Variants in PTBP3 observed in about 807,000 individuals in gnomAD.
PTBP3 encodes polypyrimidine tract-binding protein 3.
In PTBP3, 20 loss-of-function variants were observed where a neutral mutation model predicts 58.7. That is an observed-to-expected ratio of 0.34 (90% confidence interval 0.24 to 0.50). The LOEUF (loss-of-function observed/expected upper bound fraction) is 0.50. Among genes scored for constraint, PTBP3 ranks in the 20% least tolerant of loss-of-function variants. PTBP3 has a pLI of 0.98. For synonymous variants in PTBP3, 185 were observed against 219.8 expected, an observed-to-expected ratio of 0.84 and a Z score of 1.40; for missense variants, 509 against 637.2, an observed-to-expected ratio of 0.80 and a Z score of 2.17.
intron 1 of PTBP3, among the ~76,000 whole-genome samples, chr9:112,299,903 AAGTGT>A (rs1162131395): frequency 2.0e-5 from 3 of 152,228 alleles, no homozygotes; most frequent in Admixed American, 2.0e-4. Context: ...TCAGAATAAC[AAGTGT>A]AGCTCCATAA....
At chr9:112,353,848 A>C in the PTBP3 span, among the ~76,000 whole-genome samples, 1 of 151,862 alleles carries the variant, frequency 6.6e-6, no homozygotes, top group Admixed American at 6.6e-5. Flanking sequence ...ATCCCAGCTA[A>C]TCGGAAGGCT....
chr9:112,362,572 A>C, the PTBP3 span: 1 of 153,536 alleles, frequency 6.5e-6, no homozygotes, highest in Non-Finnish European at 1.5e-5. Flanking sequence ...TTGGTGTCAT[A>C]TTTAAGAATC....
intron 12 of PTBP3, 130 bp from the exon 13 acceptor site, chr9:112,224,340 T>C (rs1301598093): frequency 3.7e-6 from 2 of 542,182 alleles, no homozygotes; most frequent in East Asian, 6.6e-5. Context: ...AAAGACTTGA[T>C]TTGGAAGTTC....
intron 1 of PTBP3, among the ~76,000 whole-genome samples, chr9:112,308,037 G>A (rs777972261): frequency 2.6e-5 from 4 of 152,166 alleles, no homozygotes; most frequent in East Asian, 1.9e-4. Flanking sequence ...GTATGGCCCA[G>A]GGAAGCCCTG....
rs765665955 is a variant in PTBP3 at position 112,297,819 on chromosome 9, A to AC, written c.34+12_34+13insG. On this transcript the variant is annotated intron_variant, in intron 2 of 13. Transcript: ENST00000374257. Reference sequence around the variant, plus strand: ...CACAGAAATCAAATATTAAAAAAAAAAAAAAAACTCACCATACACACCTGT... The same window carrying AC: ...CACAGAAATCAAATATTAAAAAAAAACAAAAAAACTCACCATACACACCTGT... 20 of 1,505,172 alleles carry AC rather than the reference A, an allele frequency of 1.3e-5. No individual in the cohort carries two copies. The highest frequency in any genetic ancestry group is 7.4e-5 in the Admixed American group (3 of 40,682). The allele number at this position is 1,505,172 out of a possible 1,614,324, so 93.2% of individuals were successfully genotyped here. A position where few individuals can be genotyped will look rare whatever the true frequency, so the allele number is the denominator to read the frequency against.
At chr9:112,298,358 A>G (rs962557127) in intron 1 of PTBP3, among the ~76,000 whole-genome samples, 1 of 152,166 alleles carries the variant, frequency 6.6e-6, no homozygotes, top group African/African-American at 2.4e-5. Flanking sequence ...AATTCTTTAT[A>G]ATCAATAACT....
chr9:112,303,558 T>C lies in PTBP3; in HGVS notation c.-51-5642A>G, dbSNP rs555440416. Among the ~76,000 whole-genome samples, 163 of 152,284 alleles carry C rather than the reference T, an allele frequency of 1.1e-3. 2 individuals are homozygous for C. The highest frequency in any genetic ancestry group is 1.4e-3 in the Non-Finnish European group (98 of 68,004). The stretch of plus-strand genomic sequence containing the variant: ...GCCTTGGCTAATCAATACAATCGCA[T>C]GGGCAGCTTGAAAATAAATACTACA... On this transcript the variant is annotated intron_variant, in intron 1 of 13. Transcript: ENST00000374257.
intron 2 of PTBP3, among the ~76,000 whole-genome samples, chr9:112,286,972 C>T (rs561705297): frequency 9.2e-5 from 14 of 152,116 alleles, no homozygotes; most frequent in African/African-American, 3.1e-4. Context: ...AATCTCTCTC[C>T]TCATTCTAAT....
At chr9:112,364,998 C>T in the PTBP3 span, among the ~76,000 whole-genome samples, 36,973 of 152,032 alleles carry the variant, frequency 0.24, 4,916 homozygotes, top group East Asian at 0.36. Context: ...GCTGCTTCTA[C>T]GTGTTCAACA....
rs559335692 is a variant in PTBP3 at position 112,219,987 on chromosome 9, T to C, written c.*3864A>G. The C allele has an allele frequency of 2.6e-6, 2 of 776,514 alleles. No individual in the cohort carries two copies. Among genetic ancestry groups the C allele is most frequent in the South Asian group, 6.7e-5 (2 of 29,758 alleles). The allele number at this position is 776,514 out of a possible 1,614,324, so 48.1% of individuals were successfully genotyped here. A position where few individuals can be genotyped will look rare whatever the true frequency, so the allele number is the denominator to read the frequency against. On this transcript the variant is annotated 3_prime_UTR_variant, in exon 14 of 14. Transcript: ENST00000374257. The stretch of plus-strand genomic sequence containing the variant: ...CAAATTTTGTGCAATCTAAATTGTA[T>C]TTCTTTCAGCACAATAGTAGAGTAT...
Position 112,244,289 on chromosome 9 carries a change from C to CAAAAAAAAA in PTBP3, c.802+6631_802+6639dup, listed in dbSNP as rs56052359. On this transcript the variant is annotated intron_variant, in intron 7 of 13. Transcript: ENST00000374257. ...TGGGCAACAGAGTGAGACTCTGTCT[C>CAAAAAAAAA]AAAAAAAAAAAAAAAAAAGTTCTCA... Among the ~76,000 whole-genome samples, 247 of 36,274 alleles carry CAAAAAAAAA rather than the reference C, an allele frequency of 6.8e-3. 29 individuals are homozygous for CAAAAAAAAA. The highest frequency in any genetic ancestry group is 0.023 in the African/African-American group (218 of 9,462). The allele number at this position is 36,274 out of a possible 152,430, so 23.8% of individuals were successfully genotyped here.
intron 10 of PTBP3, 99 bp from the exon 11 acceptor site, chr9:112,228,571 T>G: frequency 1.4e-6 from 1 of 735,514 alleles, no homozygotes; most frequent in Non-Finnish European, 2.1e-6. Context: ...TTACTCTCCC[T>G]TGGCAATTCC....
chr9:112,317,600 C>T (rs985369852), intron 1 of PTBP3, among the ~76,000 whole-genome samples: 3 of 152,036 alleles, frequency 2.0e-5, no homozygotes, highest in Admixed American at 6.6e-5. Context: ...TTATGAATAT[C>T]GGTACTGAAA....
the PTBP3 span, among the ~76,000 whole-genome samples, chr9:112,360,182 C>A: frequency 6.6e-6 from 1 of 152,056 alleles, no homozygotes; most frequent in Non-Finnish European, 1.5e-5. Flanking sequence ...CCCCTAAAAC[C>A]CAAAGGAATT....
Position 112,283,790 on chromosome 9 carries a change from G to A in PTBP3, c.35-7777C>T, listed in dbSNP as rs116032360. On this transcript the variant is annotated intron_variant, in intron 2 of 13. Transcript: ENST00000374257. Reference sequence around the variant, plus strand: ...GCCTAAGAGAAAACAACGGTTTCACGGGCTGGCCTGGGCCCTGCTGCTCTG... The same window carrying A: ...GCCTAAGAGAAAACAACGGTTTCACAGGCTGGCCTGGGCCCTGCTGCTCTG... 2.4e-3 allele frequency among the ~76,000 whole-genome samples: 362 copies of A among 152,324 alleles called. 1 individual carries two copies. The highest frequency in any genetic ancestry group is 8.3e-3 in the African/African-American group (346 of 41,578).
intron 1 of PTBP3, among the ~76,000 whole-genome samples, chr9:112,301,565 T>C (rs910180420): frequency 6.6e-6 from 1 of 152,186 alleles, no homozygotes; most frequent in African/African-American, 2.4e-5. Context: ...ATTATAGAGA[T>C]GGAAAACAGA....
intron 9 of PTBP3, 101 bp from the exon 10 acceptor site, chr9:112,231,514 G>T: frequency 6.7e-6 from 6 of 891,050 alleles, no homozygotes; most frequent in Non-Finnish European, 8.5e-6. Context: ...TTTAAAGCAT[G>T]GTTTTATATG....
chr9:112,309,621 A>G (rs1829390593), intron 1 of PTBP3, among the ~76,000 whole-genome samples: 1 of 152,128 alleles, frequency 6.6e-6, no homozygotes. Context: ...CCCCGTCTCT[A>G]TTAAAAATAC....
At chr9:112,378,915 G>C in the PTBP3 span, among the ~76,000 whole-genome samples, 1 of 152,202 alleles carries the variant, frequency 6.6e-6, no homozygotes, top group Non-Finnish European at 1.5e-5. Flanking sequence ...GGCCGGGCGC[G>C]GAGGCTCACG....
Sources: gnomAD v4.1 joint callset for allele counts (sites outside exome capture counted in the v4.1 genomes callset) on GRCh38, gnomAD v4.1.1 for gene constraint, MANE v1.5 for transcripts, NCBI Gene and HGNC (gene_info 2026-07-23, HGNC 2026-07-21) for gene names.